The following P3H2 variants were observed in gnomAD, a reference collection of about 807,000 sequenced individuals.
P3H2 encodes leprecan-like 1.
In P3H2, 80 loss-of-function variants were observed where a neutral mutation model predicts 87.0. The observed-to-expected ratio is 0.92, with a 90% CI of 0.77 to 1.11. The LOEUF (loss-of-function observed/expected upper bound fraction) is 1.11, where lower values mean the gene tolerates loss of function less well. P3H2 is among the 50% of genes least tolerant of loss of function. The pLI, the probability that P3H2 is intolerant of heterozygous loss-of-function variation, is 0.00. For synonymous variants in P3H2, 367 were observed against 359.3 expected, an observed-to-expected ratio of 1.02 and a Z score of -0.24; for missense variants, 1,001 against 923.9, an observed-to-expected ratio of 1.08 and a Z score of -1.08.
At position 190,120,400 on chromosome 3, in the gene P3H2, C is replaced by A. The variant is rs1223469732; in HGVS notation, c.332G>T (p.Arg111Leu). The change falls in exon 1 of 15, where the codon CGC (arginine) becomes CTC (leucine). Residue 111 changes from arginine to leucine, a missense_variant. Coordinates refer to ENST00000319332, the MANE Select transcript of P3H2 (RefSeq NM_018192.4). Reference protein sequence around the residue: ...EGPGAELPLFRSLLGRARCYR... With the variant: ...EGPGAELPLFLSLLGRARCYR... ...ACAGCGCGCCCGCCCCAACAAGGAGCGGAAAAGGGGCAGCTCAGCGCCGGG... is the reference window on the plus strand; with the variant it reads ...ACAGCGCGCCCGCCCCAACAAGGAGAGGAAAAGGGGCAGCTCAGCGCCGGG... 5.2e-6 allele frequency: 8 copies of A among 1,540,916 alleles called. No homozygotes were observed. Among genetic ancestry groups the A allele is most frequent in the Non-Finnish European group, 7.0e-6 (8 of 1,149,748 alleles).
chr3:189,962,665 CAG>C (rs1722853249), intron 14 of P3H2, among the ~76,000 whole-genome samples: 1 of 152,166 alleles, frequency 6.6e-6, no homozygotes, highest in Non-Finnish European at 1.5e-5. Context: ...GCCTATCTAG[CAG>C]AGTTTCCAAG....
intron 1 of P3H2, among the ~76,000 whole-genome samples, chr3:190,062,349 C>T (rs777554339): frequency 7.2e-5 from 11 of 152,142 alleles, no homozygotes; most frequent in South Asian, 2.1e-4. Context: ...AATCCCCTCC[C>T]ATCACAATCC....
chr3:190,024,171 C>T (rs888504084), intron 1 of P3H2, among the ~76,000 whole-genome samples: 1 of 151,986 alleles, frequency 6.6e-6, no homozygotes, highest in Non-Finnish European at 1.5e-5. Context: ...TATCAGAGTA[C>T]ACATGGTGCA....
chr3:190,082,278 C>A (rs1173366712), intron 1 of P3H2, among the ~76,000 whole-genome samples: 1 of 151,982 alleles, frequency 6.6e-6, no homozygotes, highest in African/African-American at 2.4e-5. Context: ...AAACAAACAA[C>A]AACAAAACAA....
chr3:189,982,841 T>C (rs1179062706), intron 8 of P3H2, among the ~76,000 whole-genome samples: 5 of 148,100 alleles, frequency 3.4e-5, no homozygotes. Flanking sequence ...CTTTTTTTCT[T>C]TTTTTTTGAA....
intron 1 of P3H2, among the ~76,000 whole-genome samples, chr3:190,020,544 C>T (rs1724901780): frequency 7.5e-6 from 1 of 134,198 alleles, no homozygotes; most frequent in Non-Finnish European, 1.7e-5. Flanking sequence ...TTTTATGGCT[C>T]AATAGGCCTG....
At chr3:190,087,380 CA>C (rs1264659262) in intron 1 of P3H2, among the ~76,000 whole-genome samples, 21 of 144,952 alleles carry the variant, frequency 1.4e-4, no homozygotes, top group Non-Finnish European at 1.7e-4. Context: ...ACTAAAAATA[CA>C]AAAAAAAAAG....
chr3:190,028,616 G>A lies in P3H2; in HGVS notation c.481-33174C>T, dbSNP rs560026281. On this transcript the variant is annotated intron_variant, in intron 1 of 14. Transcript: ENST00000319332. ...TTTAATCTTCATAGTGCCCTGCATA[G>A]GATTTGCCATTCATTGAATGCTGTC... Among the ~76,000 whole-genome samples, 363 of 152,270 alleles carry A rather than the reference G, an allele frequency of 2.4e-3. 2 individuals carry two copies. The highest frequency in any genetic ancestry group is 8.5e-3 in the African/African-American group (352 of 41,550).
In P3H2 at chr3:190,058,544, G is replaced by A. The variant is rs187746173; in HGVS notation, c.480+61708C>T. Among the ~76,000 whole-genome samples, 366 of 152,268 alleles carry A rather than the reference G, an allele frequency of 2.4e-3. 1 individual carries two copies. The highest frequency in any genetic ancestry group is 0.011 in the South Asian group (52 of 4,822). ...AACAACTTGGTAACAGAATGGGAGTGAGTAGATGTCCAGGAATGGAAAGGG... is the reference window on the plus strand; with the variant it reads ...AACAACTTGGTAACAGAATGGGAGTAAGTAGATGTCCAGGAATGGAAAGGG... On this transcript the variant is annotated intron_variant, in intron 1 of 14. Coordinates refer to ENST00000319332, the MANE Select transcript of P3H2 (RefSeq NM_018192.4).
chr3:189,984,068 A>G (rs1246678862), intron 7 of P3H2, among the ~76,000 whole-genome samples: 5 of 152,116 alleles, frequency 3.3e-5, no homozygotes, highest in African/African-American at 9.7e-5. Context: ...CTAAAACTTT[A>G]AGTATAATAA....
chr3:190,001,823 T>C (rs1724226538), intron 1 of P3H2, among the ~76,000 whole-genome samples: 1 of 152,208 alleles, frequency 6.6e-6, no homozygotes, highest in Non-Finnish European at 1.5e-5. Context: ...GTCTCCAAAT[T>C]TACTCGAATT....
chr3:190,061,471 G>A (rs1726329600), intron 1 of P3H2, among the ~76,000 whole-genome samples: 2 of 151,980 alleles, frequency 1.3e-5, no homozygotes. Flanking sequence ...ACAAAGACTG[G>A]CAGCTAGATG....
At chr3:189,971,627 T>C in intron 12 of P3H2, 1 of 426,758 alleles carries the variant, frequency 2.3e-6, no homozygotes, top group South Asian at 2.1e-5. Context: ...AGGAATTTTT[T>C]TAAAAGAACA....
chr3:190,050,859 T>C (rs1725960049), intron 1 of P3H2, among the ~76,000 whole-genome samples: 1 of 152,184 alleles, frequency 6.6e-6, no homozygotes. Context: ...GTGACCTCCT[T>C]CCAGCTTAAT....
At chr3:189,984,308 A>C (rs1289596758) in intron 7 of P3H2, among the ~76,000 whole-genome samples, 1 of 129,600 alleles carries the variant, frequency 7.7e-6, no homozygotes, top group Non-Finnish European at 1.7e-5. Context: ...AAAGCACCTG[A>C]TTTAACCCTT....
intron 12 of P3H2, chr3:189,971,555 C>T (rs1261964181): frequency 5.8e-6 from 2 of 342,730 alleles, no homozygotes; most frequent in Non-Finnish European, 1.1e-5. Context: ...TAGGCCAAGA[C>T]TCCATGCCCT....
rs113230127 is a variant in P3H2 at position 190,083,164 on chromosome 3, C to CT, written c.480+37087dup. 6.3e-3 allele frequency among the ~76,000 whole-genome samples: 957 copies of CT among 152,194 alleles called. 13 individuals carry two copies. Among genetic ancestry groups the CT allele is most frequent in the African/African-American group, 0.022 (901 of 41,526 alleles). ...AAACACAATCATGAAAATAACTTGC[C>CT]TTTTTTGCCTCTTTAGCCTAACTTA... On this transcript the variant is annotated intron_variant, in intron 1 of 14. Transcript: ENST00000319332.
chr3:190,019,219 A>G (rs1262094071), intron 1 of P3H2, among the ~76,000 whole-genome samples: 2 of 152,154 alleles, frequency 1.3e-5, no homozygotes, highest in Admixed American at 1.3e-4. Context: ...GTCTGTCAAC[A>G]CAGGCTCCTC....
intron 5 of P3H2, 104 bp from the exon 6 acceptor site, chr3:189,986,981 G>A (rs1365124741): frequency 3.8e-6 from 3 of 786,150 alleles, no homozygotes; most frequent in Non-Finnish European, 6.7e-6. Flanking sequence ...TCACAAATGA[G>A]CTAACAAATA....
Sources: allele counts gnomAD v4.1 joint callset (sites outside exome capture counted in the v4.1 genomes callset), GRCh38; gene constraint gnomAD v4.1.1; transcripts MANE v1.5; gene names NCBI Gene and HGNC (gene_info 2026-07-23, HGNC 2026-07-21).